IMPA2: variants seen among roughly 807,000 people sequenced by gnomAD.
IMPA2 encodes the protein IMP 2.
Under a neutral mutation model 35.1 loss-of-function variants are expected in IMPA2, and 32 were observed. The ratio of observed to expected loss-of-function variants is 0.91; its 90% CI spans 0.69 to 1.23. The LOEUF is 1.23. Ranked by LOEUF, IMPA2 falls within the 50% of genes most tolerant of loss-of-function variation. The pLI, the probability that IMPA2 is intolerant of heterozygous loss-of-function variation, is 0.00. For missense variants in IMPA2, 334 were observed against 387.6 expected (o/e 0.86, Z 1.16); for synonymous variants, 135 against 160.6 (o/e 0.84, Z 1.20).
chr18:12,009,917 A>G lies in IMPA2; in HGVS notation c.265A>G (p.Lys89Glu). 2.5e-6 allele frequency: 4 copies of G among 1,614,158 alleles called. No homozygotes were observed. The highest frequency in any genetic ancestry group is 3.4e-6 in the Non-Finnish European group (4 of 1,180,040). ...IAEEAAASGA[K>E]CVLTHSPTWI... ...AGAAGAGGCCGCGGCTTCTGGGGCC[A>G]AGTGTGTGCTCACCCACAGCCCGAC... The change falls in exon 3 of 8, where the codon AAG becomes GAG. Residue 89 changes from lysine (K) to glutamate (E), a missense_variant. Transcript: ENST00000269159.
intron 1 of IMPA2, among the ~76,000 whole-genome samples, chr18:11,996,686 C>A (rs959622189): frequency 1.2e-4 from 18 of 152,122 alleles, no homozygotes; most frequent in Non-Finnish European, 2.2e-4. Flanking sequence ...TAGAGCTTAC[C>A]AGAAATGCAG....
chr18:11,983,826 G>A (rs1444790205), intron 1 of IMPA2, among the ~76,000 whole-genome samples: 1 of 152,162 alleles, frequency 6.6e-6, no homozygotes, highest in African/African-American at 2.4e-5. Context: ...CCTGTGTAAA[G>A]AGGGACAGAT....
At chr18:11,982,692 C>T (rs1906539304) in intron 1 of IMPA2, among the ~76,000 whole-genome samples, 1 of 151,714 alleles carries the variant, frequency 6.6e-6, no homozygotes, top group Admixed American at 6.6e-5. Context: ...ATTTGGGAGG[C>T]TGAGGCAGGA....
chr18:12,003,509 G>A (rs960971842), intron 2 of IMPA2, among the ~76,000 whole-genome samples: 14 of 151,974 alleles, frequency 9.2e-5, no homozygotes, highest in African/African-American at 2.9e-4. Flanking sequence ...AATTAGCTGG[G>A]CCATGGTGGC....
At chr18:12,000,386 C>T (rs997649921) in intron 2 of IMPA2, among the ~76,000 whole-genome samples, 9 of 142,086 alleles carry the variant, frequency 6.3e-5, no homozygotes, top group Non-Finnish European at 1.2e-4. Flanking sequence ...AAAGAACAAG[C>T]GAGTGTTAAA....
intron 1 of IMPA2, among the ~76,000 whole-genome samples, chr18:11,994,615 A>G (rs1906908786): frequency 6.6e-6 from 1 of 152,232 alleles, no homozygotes. Flanking sequence ...GGTGACACAA[A>G]AGGACATATT....
intron 5 of IMPA2, among the ~76,000 whole-genome samples, chr18:12,023,910 A>C (rs995892846): frequency 2.6e-5 from 4 of 152,326 alleles, no homozygotes; most frequent in Non-Finnish European, 4.4e-5. Context: ...TAATTGATTC[A>C]GCTTTCCCAG....
At chr18:12,012,745 C>A (rs1480813138) in intron 4 of IMPA2, among the ~76,000 whole-genome samples, 1 of 152,272 alleles carries the variant, frequency 6.6e-6, no homozygotes, top group East Asian at 1.9e-4. Context: ...TTAAATAATT[C>A]AAGCAGCAGC....
In IMPA2 at chr18:12,012,193, T is replaced by C. The variant is rs1907452626; in HGVS notation, c.359T>C (p.Ile120Thr). 3.7e-6 allele frequency: 6 copies of C among 1,614,198 alleles called. No homozygotes were observed. The highest frequency in any genetic ancestry group is 4.5e-5 in the East Asian group (2 of 44,880). ...AGATTCCCGACTGTGGCGGTTAGCA[T>C]TGGATTTGCTGTTCGACAAGAGGTG... ...VHRFPTVAVS[I>T]GFAVRQELEF... is the part of the protein sequence containing the mutation. Residue 120 changes from isoleucine (I) to threonine (T), a missense_variant, in exon 4 of 8, where the codon ATT becomes ACT. Transcript: ENST00000269159.
At chr18:12,015,311 C>A (rs1472146608) in intron 5 of IMPA2, among the ~76,000 whole-genome samples, 3 of 152,234 alleles carry the variant, frequency 2.0e-5, no homozygotes, top group Non-Finnish European at 4.4e-5. Flanking sequence ...TCTTGACCCA[C>A]TTCCAGCCTC....
At chr18:11,992,785 G>A (rs1025046389) in intron 1 of IMPA2, among the ~76,000 whole-genome samples, 1 of 152,174 alleles carries the variant, frequency 6.6e-6, no homozygotes, top group African/African-American at 2.4e-5. Context: ...TGGTAAAGGG[G>A]TTCAGCGGGA....
intron 5 of IMPA2, among the ~76,000 whole-genome samples, chr18:12,024,410 G>A (rs1432295627): frequency 6.6e-6 from 1 of 152,138 alleles, no homozygotes; most frequent in African/African-American, 2.4e-5. Flanking sequence ...CGTGAACCTG[G>A]GAGGCAGAGG....
chr18:12,030,290 T>A (rs938948720), intron 7 of IMPA2, 53 bp from the exon 8 acceptor site: 1 of 1,358,142 alleles, frequency 7.4e-7, no homozygotes, highest in African/African-American at 1.4e-5. Flanking sequence ...TACACAACAT[T>A]GTTCAGCCCT....
At chr18:12,009,776 C>A in intron 2 of IMPA2, 107 bp from the exon 3 acceptor site, 1 of 797,572 alleles carries the variant, frequency 1.3e-6, no homozygotes, top group Non-Finnish European at 2.2e-6. Context: ...ACCATGATGA[C>A]ATCTGTTTGC....
At chr18:11,997,414 G>A (rs1184240763) in intron 1 of IMPA2, among the ~76,000 whole-genome samples, 1 of 152,246 alleles carries the variant, frequency 6.6e-6, no homozygotes, top group African/African-American at 2.4e-5. Context: ...CAGTGGACAT[G>A]GCTATGTGGA....
rs1568034865 is a variant in IMPA2 at position 12,012,852 on chromosome 18, GC to G, written c.381+638del. ...TCAAAAGCAGCCCTGCTTCAGAGCA[GC>G]ATTTGTGCAGCTTCACCTTAGTCTC... On this transcript the variant is annotated intron_variant, in intron 4 of 7. Coordinates refer to ENST00000269159, the MANE Select transcript of IMPA2 (RefSeq NM_014214.3). Among the ~76,000 whole-genome samples the G allele has an allele frequency of 2.6e-5, 4 of 152,224 alleles. No individual in the cohort carries two copies. In the South Asian group the frequency reaches 8.3e-4, roughly 32 times the overall value.
chr18:11,983,487 C>G lies in IMPA2; in HGVS notation c.96+1722C>G, dbSNP rs1906565390. On this transcript the variant is annotated intron_variant, in intron 1 of 7. Transcript: ENST00000269159. ...TTTCAAATTTAGATCCTTGAAGAAA[C>G]AGAAGATTTTAAAATTTTATGTTAT... 2.0e-5 allele frequency among the ~76,000 whole-genome samples: 3 copies of G among 152,104 alleles called. No individual in the cohort carries two copies. The South Asian group carries it at 6.2e-4, about 31-fold the overall frequency.
At position 12,028,137 on chromosome 18, in the gene IMPA2, T is replaced by C; in HGVS notation, c.585T>C (p.His195=). ...LFLSNMERLL[H]AKAHGVRVIG... is the part of the protein sequence containing the mutation. ...TGAGTAACATGGAGCGGCTGCTGCA[T>C]GCCAAGGCGCATGGGTAGGAGGTTC... The change falls in exon 6 of 8, where the codon CAT becomes CAC. Residue 195 remains histidine (H), a synonymous_variant. Transcript: ENST00000269159. 6.2e-7 allele frequency: 1 copy of C among 1,612,366 alleles called. No individual in the cohort carries two copies. Among genetic ancestry groups the C allele is most frequent in the South Asian group, 1.1e-5 (1 of 91,032 alleles).
At position 11,996,170 on chromosome 18, in the gene IMPA2, G is replaced by A. The variant is rs964037011; in HGVS notation, c.97-2884G>A. 3.9e-5 allele frequency among the ~76,000 whole-genome samples: 6 copies of A among 152,322 alleles called. No homozygotes were observed. The East Asian group carries it at 7.7e-4, about 20-fold the overall frequency. ...AGAAAACAGGAAGTCCTTGGGGGCA[G>A]AAACAGATTTGGTTAGGATCAGTGA... On this transcript the variant is annotated intron_variant, in intron 1 of 7. Transcript: ENST00000269159.
Sources: allele counts gnomAD v4.1 joint callset (sites outside exome capture counted in the v4.1 genomes callset), GRCh38; gene constraint gnomAD v4.1.1; transcripts MANE v1.5; gene names NCBI Gene and HGNC (gene_info 2026-07-23, HGNC 2026-07-21).